Variants in CPQ observed in about 807,000 individuals in gnomAD.
CPQ encodes the protein Ser-Met dipeptidase.
CPQ carries 37 observed loss-of-function variants against 45.7 expected under a neutral mutation model. The observed-to-expected ratio is 0.81, with a 90% CI of 0.62 to 1.07. The LOEUF (loss-of-function observed/expected upper bound fraction) is 1.07, where lower values mean the gene tolerates loss of function less well. CPQ is among the 50% of genes least tolerant of loss of function. The probability of loss-of-function intolerance (pLI) is 0.00; values close to 1 mark genes in which losing one functional copy is unlikely to be tolerated. For synonymous variants in CPQ, 186 were observed against 205.8 expected, an observed-to-expected ratio of 0.90 and a Z score of 0.82; for missense variants, 537 against 572.9, an observed-to-expected ratio of 0.94 and a Z score of 0.64.
At position 96,673,101 on chromosome 8, in the gene CPQ, T is replaced by A. The variant is rs570533869; in HGVS notation, c.-35+27699T>A. Among the ~76,000 whole-genome samples, 35 of 152,242 alleles carry A rather than the reference T, an allele frequency of 2.3e-4. 1 individual carries two copies. The South Asian group carries it at 7.3e-3, about 32-fold the overall frequency. On this transcript the variant is annotated intron_variant, in intron 1 of 7. Transcript: ENST00000220763. ...TGGAGCAGAGAAGGGGAATGGTAGATGTTACCAGTGGAGTCTTGACTAGGA... is the reference window on the plus strand; with the variant it reads ...TGGAGCAGAGAAGGGGAATGGTAGAAGTTACCAGTGGAGTCTTGACTAGGA...
At chr8:96,735,978 A>T (rs142414076) in intron 1 of CPQ, among the ~76,000 whole-genome samples, 1 of 151,536 alleles carries the variant, frequency 6.6e-6, no homozygotes, top group East Asian at 1.9e-4. Flanking sequence ...TTTTTGGGTC[A>T]CACCGAGATA....
chr8:96,768,289 T>G (rs573803612), intron 1 of CPQ, among the ~76,000 whole-genome samples: 1 of 95,050 alleles, frequency 1.1e-5, no homozygotes, highest in South Asian at 2.8e-4. Flanking sequence ...GGCTTAACAC[T>G]TTTTTTTTTT....
chr8:96,947,594 TA>T (rs1424837369), intron 4 of CPQ, among the ~76,000 whole-genome samples: 2 of 152,006 alleles, frequency 1.3e-5, no homozygotes, highest in Non-Finnish European at 2.9e-5. Context: ...TCTATGCCTG[TA>T]AAAAAACAAA....
At chr8:96,979,319 T>C (rs527290960) in intron 5 of CPQ, among the ~76,000 whole-genome samples, 9 of 152,290 alleles carry the variant, frequency 5.9e-5, no homozygotes, top group East Asian at 1.9e-4. Flanking sequence ...TAAAGTACTA[T>C]GATAAATAGA....
At chr8:97,130,159 T>C (rs1811922409) in intron 7 of CPQ, among the ~76,000 whole-genome samples, 1 of 152,160 alleles carries the variant, frequency 6.6e-6, no homozygotes, top group Non-Finnish European at 1.5e-5. Context: ...TTTTACCAGT[T>C]TAATTAGTTA....
At chr8:97,031,792 T>C (rs1809911842) in intron 6 of CPQ, among the ~76,000 whole-genome samples, 1 of 152,200 alleles carries the variant, frequency 6.6e-6, no homozygotes. Context: ...CTAGTCTGCA[T>C]TGCATTTTCA....
chr8:96,658,015 A>G (rs1815657497), intron 1 of CPQ, among the ~76,000 whole-genome samples: 1 of 152,212 alleles, frequency 6.6e-6, no homozygotes, highest in African/African-American at 2.4e-5. Context: ...TGAGTATTTT[A>G]AATCATTAAT....
intron 4 of CPQ, among the ~76,000 whole-genome samples, chr8:96,938,641 C>A (rs1261979782): frequency 2.0e-4 from 30 of 152,072 alleles, no homozygotes. Flanking sequence ...TCTTAGCAAC[C>A]ACAGGAAAGG....
At chr8:96,693,812 A>T (rs964760106) in intron 1 of CPQ, among the ~76,000 whole-genome samples, 5 of 152,200 alleles carry the variant, frequency 3.3e-5, no homozygotes, top group Non-Finnish European at 7.4e-5. Flanking sequence ...ACAGAAAAAA[A>T]TGGAATATTA....
chr8:97,131,809 A>G (rs1338371628), intron 7 of CPQ, among the ~76,000 whole-genome samples: 1 of 152,218 alleles, frequency 6.6e-6, no homozygotes, highest in Non-Finnish European at 1.5e-5. Context: ...AGCATCTTGT[A>G]ACTGGAAGGA....
intron 6 of CPQ, among the ~76,000 whole-genome samples, chr8:97,063,488 G>C (rs1810587345): frequency 6.6e-6 from 1 of 152,100 alleles, no homozygotes; most frequent in Admixed American, 6.6e-5. Context: ...GGTTCCATCT[G>C]TCAACTTTTG....
intron 7 of CPQ, among the ~76,000 whole-genome samples, chr8:97,090,082 T>C (rs183572977): frequency 7.4e-4 from 113 of 152,322 alleles, no homozygotes; most frequent in African/African-American, 2.6e-3. Flanking sequence ...GGTATACTAA[T>C]GTTAACAGTT....
chr8:96,881,382 C>T (rs1812221459), intron 4 of CPQ, among the ~76,000 whole-genome samples: 1 of 152,106 alleles, frequency 6.6e-6, no homozygotes, highest in Non-Finnish European at 1.5e-5. Context: ...AGATGCCACA[C>T]ACTTTTAAAC....
chr8:96,675,820 T>G (rs1476095137), intron 1 of CPQ, among the ~76,000 whole-genome samples: 1 of 152,066 alleles, frequency 6.6e-6, no homozygotes, highest in Non-Finnish European at 1.5e-5. Context: ...GTATTTTCTA[T>G]GAACTGTTTA....
intron 5 of CPQ, among the ~76,000 whole-genome samples, chr8:96,992,534 G>T (rs1330239728): frequency 6.6e-6 from 1 of 152,146 alleles, no homozygotes; most frequent in Non-Finnish European, 1.5e-5. Context: ...GAAGCAAGAA[G>T]CTTTGCTCCA....
At chr8:96,776,920 T>G (rs746066136) in intron 1 of CPQ, among the ~76,000 whole-genome samples, 3 of 152,182 alleles carry the variant, frequency 2.0e-5, no homozygotes, top group African/African-American at 4.8e-5. Context: ...GGTATAACAT[T>G]TGATAACTCC....
Position 96,879,794 on chromosome 8 carries a change from C to G in CPQ, c.642-4C>G. ...AAGGTAACCTGGTGGCTTCTTCTCTCAAGTCCTCACACAGGTATTCAGGAA... is the reference window on the plus strand; with the variant it reads ...AAGGTAACCTGGTGGCTTCTTCTCTGAAGTCCTCACACAGGTATTCAGGAA... On this transcript the variant is annotated splice_region_variant and splice_polypyrimidine_tract_variant and intron_variant, in intron 3 of 7. Coordinates refer to ENST00000220763, the MANE Select transcript of CPQ (RefSeq NM_016134.4). 6.2e-7 allele frequency: 1 copy of G among 1,613,444 alleles called. No individual in the cohort carries two copies. The highest frequency in any genetic ancestry group is 8.5e-7 in the Non-Finnish European group (1 of 1,179,452).
At chr8:96,955,561 G>C (rs1323206741) in intron 4 of CPQ, among the ~76,000 whole-genome samples, 1 of 152,142 alleles carries the variant, frequency 6.6e-6, no homozygotes, top group African/African-American at 2.4e-5. Flanking sequence ...AGCCTGCATT[G>C]CCAAGTCAAT....
At chr8:96,781,053 A>T (rs1810679077) in intron 1 of CPQ, among the ~76,000 whole-genome samples, 1 of 152,132 alleles carries the variant, frequency 6.6e-6, no homozygotes, top group South Asian at 2.1e-4. Context: ...GTAGTTTATG[A>T]TTGTGCTTCT....
Sources: gnomAD v4.1 joint callset for allele counts (sites outside exome capture counted in the v4.1 genomes callset) on GRCh38, gnomAD v4.1.1 for gene constraint, MANE v1.5 for transcripts, NCBI Gene and HGNC (gene_info 2026-07-23, HGNC 2026-07-21) for gene names.